The following SLC24A2 variants were observed in gnomAD, a reference collection of about 807,000 sequenced individuals.
SLC24A2 encodes solute carrier family 24 member 2.
A neutral mutation model predicts 62.0 loss-of-function variants in SLC24A2; 36 were observed. The observed-to-expected ratio is 0.58, with a 90% CI of 0.44 to 0.77. SLC24A2 has a LOEUF of 0.77. Ranked by LOEUF, SLC24A2 falls within the 30% of genes least tolerant of loss-of-function variation. The pLI, the probability that SLC24A2 is intolerant of heterozygous loss-of-function variation, is 0.00. For synonymous variants in SLC24A2, 358 were observed against 294.0 expected (o/e 1.22, Z -2.23); for missense variants, 846 against 817.9 (o/e 1.03, Z -0.42).
At chr9:19,860,970 T>C in the SLC24A2 span, among the ~76,000 whole-genome samples, 5 of 152,128 alleles carry the variant, frequency 3.3e-5, no homozygotes, top group Admixed American at 2.6e-4. Flanking sequence ...GACTCTAGCC[T>C]GGATGGCACC....
the SLC24A2 span, among the ~76,000 whole-genome samples, chr9:20,258,094 G>A: frequency 6.6e-6 from 1 of 152,146 alleles, no homozygotes; most frequent in African/African-American, 2.4e-5. Context: ...CACCCCATGT[G>A]GTAGGGAGAA....
the SLC24A2 span, among the ~76,000 whole-genome samples, chr9:20,224,966 G>A: frequency 6.6e-6 from 1 of 152,132 alleles, no homozygotes; most frequent in African/African-American, 2.4e-5. Context: ...ACAAATAAGA[G>A]GTATGAAAGT....
the SLC24A2 span, among the ~76,000 whole-genome samples, chr9:19,794,338 G>T: frequency 6.6e-6 from 1 of 152,126 alleles, no homozygotes; most frequent in South Asian, 2.1e-4. Flanking sequence ...TATCCTAAGT[G>T]AATTAATGCA....
At chr9:19,707,483 A>G (rs1820568023) in intron 2 of SLC24A2, among the ~76,000 whole-genome samples, 1 of 152,238 alleles carries the variant, frequency 6.6e-6, no homozygotes, top group South Asian at 2.1e-4. Context: ...ATCCTTGATG[A>G]ACGTTGATGC....
At chr9:20,007,871 ACTC>A in the SLC24A2 span, among the ~76,000 whole-genome samples, 1 of 49,076 alleles carries the variant, frequency 2.0e-5, no homozygotes, top group Non-Finnish European at 4.1e-5. Context: ...AATTCTTCTT[ACTC>A]CTCTCTTTTT....
At chr9:20,019,287 GAA>G in the SLC24A2 span, among the ~76,000 whole-genome samples, 3 of 149,828 alleles carry the variant, frequency 2.0e-5, no homozygotes, top group Non-Finnish European at 4.4e-5. Flanking sequence ...AAGAAAGAAA[GAA>G]AGAAAGAAAG....
chr9:20,268,453 G>A, the SLC24A2 span, among the ~76,000 whole-genome samples: 2 of 152,108 alleles, frequency 1.3e-5, no homozygotes, highest in African/African-American at 2.4e-5. Context: ...GAATTAATGG[G>A]TTAATGGATT....
chr9:20,037,920 C>A, the SLC24A2 span, among the ~76,000 whole-genome samples: 14 of 152,050 alleles, frequency 9.2e-5, no homozygotes, highest in South Asian at 6.2e-4. Flanking sequence ...AAAATCCTGA[C>A]CAAAAGCAAT....
intron 2 of SLC24A2, among the ~76,000 whole-genome samples, chr9:19,658,923 C>A (rs1819015479): frequency 6.6e-6 from 1 of 152,222 alleles, no homozygotes; most frequent in Non-Finnish European, 1.5e-5. Flanking sequence ...AACCTTCACG[C>A]AACGAACGTA....
the SLC24A2 span, among the ~76,000 whole-genome samples, chr9:20,304,062 G>A: frequency 1.3e-5 from 2 of 152,122 alleles, no homozygotes; most frequent in South Asian, 2.1e-4. Context: ...GTACTAATTC[G>A]TTAGTCTTGG....
the SLC24A2 span, among the ~76,000 whole-genome samples, chr9:20,025,718 G>A: frequency 6.6e-6 from 1 of 152,110 alleles, no homozygotes; most frequent in African/African-American, 2.4e-5. Context: ...AAGTGACCTG[G>A]AATTTGAATT....
the SLC24A2 span, among the ~76,000 whole-genome samples, chr9:20,074,909 C>G: frequency 3.9e-5 from 6 of 152,122 alleles, no homozygotes; most frequent in African/African-American, 1.4e-4. Context: ...ATATGAGCTA[C>G]AGGGGCTATG....
intron 2 of SLC24A2, among the ~76,000 whole-genome samples, chr9:19,701,775 T>G (rs1414901467): frequency 6.6e-6 from 1 of 152,116 alleles, no homozygotes; most frequent in Non-Finnish European, 1.5e-5. Flanking sequence ...TGGTGAAAAT[T>G]CCTCCACACT....
the SLC24A2 span, among the ~76,000 whole-genome samples, chr9:20,205,649 TAAAA>T: frequency 1.5e-5 from 1 of 65,306 alleles, no homozygotes; most frequent in Admixed American, 2.2e-4. Context: ...AGACTCCATC[TAAAA>T]AAAAAAAAAA....
chr9:20,115,433 G>C, the SLC24A2 span, among the ~76,000 whole-genome samples: 1 of 152,076 alleles, frequency 6.6e-6, no homozygotes, highest in Non-Finnish European at 1.5e-5. Flanking sequence ...AGAAACAAGG[G>C]AAACTTAGAA....
the SLC24A2 span, among the ~76,000 whole-genome samples, chr9:20,059,977 T>A: frequency 2.6e-5 from 4 of 152,020 alleles, no homozygotes; most frequent in Non-Finnish European, 5.9e-5. Flanking sequence ...GAGACATGAT[T>A]ACTGACCTTA....
At chr9:19,661,955 TTC>T (rs1228976814) in intron 2 of SLC24A2, among the ~76,000 whole-genome samples, 5 of 152,206 alleles carry the variant, frequency 3.3e-5, no homozygotes, top group Admixed American at 3.3e-4. Context: ...TTCCACCATA[TTC>T]TCTTTCTTCT....
At chr9:20,205,043 C>T in the SLC24A2 span, among the ~76,000 whole-genome samples, 1 of 152,160 alleles carries the variant, frequency 6.6e-6, no homozygotes, top group African/African-American at 2.4e-5. Flanking sequence ...CTGCACCCAG[C>T]CAAAAGTATA....
intron 7 of SLC24A2, among the ~76,000 whole-genome samples, chr9:19,565,078 C>T (rs569923525): frequency 8.5e-4 from 129 of 152,198 alleles, no homozygotes; most frequent in Non-Finnish European, 1.7e-3. Context: ...TCTCTCACCA[C>T]TCCTATTCAA....
Sources: gnomAD v4.1 joint callset for allele counts (sites outside exome capture counted in the v4.1 genomes callset) on GRCh38, gnomAD v4.1.1 for gene constraint, MANE v1.5 for transcripts, NCBI Gene and HGNC (gene_info 2026-07-23, HGNC 2026-07-21) for gene names.